The following OR51E1 variants were observed in gnomAD, a reference collection of about 807,000 sequenced individuals.
OR51E1 encodes the protein olfactory receptor family 51 subfamily E member 1.
OR51E1 carries 9 observed loss-of-function variants against 11.5 expected under a neutral mutation model. The ratio of observed to expected loss-of-function variants is 0.78; its 90% confidence interval spans 0.47 to 1.37. The LOEUF (loss-of-function observed/expected upper bound fraction) is 1.37. Among genes scored for constraint, OR51E1 ranks in the 40% most tolerant of loss-of-function variants. The pLI is 0.00. For missense variants in OR51E1, 397 were observed against 410.2 expected, an observed-to-expected ratio of 0.97 and a Z score of 0.28; for synonymous variants, 168 against 158.3, an observed-to-expected ratio of 1.06 and a Z score of -0.46.
chr11:4,648,417 C>T (rs192861878), intron 1 of OR51E1, among the ~76,000 whole-genome samples: 149 of 152,320 alleles, frequency 9.8e-4, no homozygotes, highest in Non-Finnish European at 1.8e-3. Flanking sequence ...AAACAATGCA[C>T]TATGTGTACT....
In OR51E1 at chr11:4,653,280, A is replaced by T; in HGVS notation, c.754A>T (p.Ile252Leu). 1 of 1,614,128 alleles carries T rather than the reference A, an allele frequency of 6.2e-7. No homozygotes were observed. Among genetic ancestry groups the T allele is most frequent in the Non-Finnish European group, 8.5e-7 (1 of 1,180,010 alleles). ...CGTCTCTCATGTGTGTGCTGTGTTCATATTCTATGTACCTTTCATTGGATT... is the reference window on the plus strand; with the variant it reads ...CGTCTCTCATGTGTGTGCTGTGTTCTTATTCTATGTACCTTTCATTGGATT... ...TCVSHVCAVF[I>L]FYVPFIGLSM... The change falls in exon 2 of 2, where the codon ATA becomes TTA. Residue 252 changes from isoleucine to leucine, a missense_variant. By Grantham distance (5) the Ile-to-Leu change is conservative (BLOSUM62 2). Transcript: ENST00000396952.
Position 4,655,390 on chromosome 11 carries a change from GCAGAGC to G in OR51E1, c.*1910_*1915del. The G allele has an allele frequency of 6.0e-6, 1 of 167,168 alleles. No homozygotes were observed. The highest frequency in any genetic ancestry group is 6.5e-5 in the Admixed American group (1 of 15,302). 10.4% of individuals were successfully genotyped at this position (167,168 alleles called of 1,614,324 possible). ...AAGCCTGGATTTCTGAAAAAACTGT[GCAGAGC>G]CAAACCTCTGTCATTTGCAACTCCC... is the stretch of plus-strand genomic sequence containing the variant. On this transcript the variant is annotated 3_prime_UTR_variant, in exon 2 of 2. Coordinates refer to ENST00000396952, the MANE Select transcript of OR51E1 (RefSeq NM_152430.4).
At position 4,654,661 on chromosome 11, in the gene OR51E1, G is replaced by A. The variant is rs1224046703; in HGVS notation, c.*1178G>A. 1 of 167,094 alleles carries A rather than the reference G, an allele frequency of 6.0e-6. No individual in the cohort carries two copies. Among genetic ancestry groups the A allele is most frequent in the East Asian group, 1.9e-4 (1 of 5,200 alleles). The allele number at this position is 167,094 out of a possible 1,614,324, so 10.4% of individuals were successfully genotyped here. ...TTTGAGTGTGACTCGTAGCTGGAAA[G>A]TGAGGGAATCTTCAGGACCATGCTT... is the stretch of plus-strand genomic sequence containing the variant. On this transcript the variant is annotated 3_prime_UTR_variant, in exon 2 of 2. Coordinates refer to ENST00000396952, the MANE Select transcript of OR51E1 (RefSeq NM_152430.4).
At position 4,653,076 on chromosome 11, in the gene OR51E1, C is replaced by T. The variant is rs1272757135; in HGVS notation, c.550C>T (p.His184Tyr). ...SNILSHSYCLHQDVMKLACDD... is the reference protein window; with the variant it reads ...SNILSHSYCLYQDVMKLACDD... ...TATCCTTTCCCATTCCTACTGCCTA[C>T]ACCAAGATGTCATGAAGCTGGCCTG... Residue 184 changes from histidine (H) to tyrosine (Y), a missense_variant, in exon 2 of 2, where the codon CAC becomes TAC. Coordinates refer to ENST00000396952, the MANE Select transcript of OR51E1 (RefSeq NM_152430.4). 5.6e-6 allele frequency: 9 copies of T among 1,614,070 alleles called. No individual in the cohort carries two copies. Among genetic ancestry groups the T allele is most frequent in the South Asian group, 1.1e-5 (1 of 91,076 alleles).
chr11:4,648,580 G>C (rs1246768594), intron 1 of OR51E1, among the ~76,000 whole-genome samples: 2 of 152,166 alleles, frequency 1.3e-5, no homozygotes, highest in African/African-American at 4.8e-5. Flanking sequence ...TCTACCTTCA[G>C]AGGCAATAGT....
chr11:4,651,018 A>G (rs1381169063), intron 1 of OR51E1, among the ~76,000 whole-genome samples: 1 of 143,684 alleles, frequency 7.0e-6, no homozygotes, highest in Non-Finnish European at 1.5e-5. Flanking sequence ...GTAGGAGCAC[A>G]TGAATATTTG....
rs1235210437 is a variant in OR51E1 at position 4,654,504 on chromosome 11, T to C, written c.*1021T>C. The stretch of plus-strand genomic sequence containing the variant: ...TTATGGAAGATTCTTATTCAGAAAG[T>C]CTGCATAGGGCTTATAGCAAGTTAT... On this transcript the variant is annotated 3_prime_UTR_variant, in exon 2 of 2. Transcript: ENST00000396952. The C allele has an allele frequency of 1.8e-5, 3 of 167,116 alleles. No individual in the cohort carries two copies. The highest frequency in any genetic ancestry group is 4.4e-5 in the Non-Finnish European group (3 of 68,132). The allele number at this position is 167,116 out of a possible 1,614,324, so 10.4% of individuals were successfully genotyped here.
chr11:4,644,107 G>A (rs909238997), intron 1 of OR51E1, 77 bp downstream of exon 1: 46 of 153,128 alleles, frequency 3.0e-4, no homozygotes, highest in African/African-American at 1.1e-3. Flanking sequence ...GACTTGCTGA[G>A]TGCATGAGAA....
At chr11:4,644,242 A>G (rs1847000885) in intron 1 of OR51E1, among the ~76,000 whole-genome samples, 1 of 152,150 alleles carries the variant, frequency 6.6e-6, no homozygotes, top group African/African-American at 2.4e-5. Context: ...GAGGTAGCCT[A>G]AGGGTAGTTT....
At chr11:4,651,358 AG>A (rs1448340205) in intron 1 of OR51E1, among the ~76,000 whole-genome samples, 2 of 152,152 alleles carry the variant, frequency 1.3e-5, no homozygotes, top group Non-Finnish European at 2.9e-5. Flanking sequence ...AAGAAGAAGG[AG>A]GGAATCCTGG....
chr11:4,647,377 G>A (rs1320037743), intron 1 of OR51E1, among the ~76,000 whole-genome samples: 1 of 152,170 alleles, frequency 6.6e-6, no homozygotes, highest in Non-Finnish European at 1.5e-5. Flanking sequence ...CCATCTGGAA[G>A]TCTTCTGTCC....
intron 1 of OR51E1, among the ~76,000 whole-genome samples, chr11:4,650,972 C>G (rs1488151636): frequency 6.6e-6 from 1 of 150,596 alleles, no homozygotes; most frequent in Non-Finnish European, 1.5e-5. Flanking sequence ...GGAAACACTT[C>G]TGGTTTCAAG....
In OR51E1 at chr11:4,652,807, C is replaced by A. The variant is rs746497055; in HGVS notation, c.281C>A (p.Thr94Asn). Residue 94 changes from threonine to asparagine, a missense_variant, in exon 2 of 2, where the codon ACC (threonine) becomes AAC (asparagine). By Grantham distance (65) the Thr-to-Asn change is moderately conservative. Coordinates refer to ENST00000396952, the MANE Select transcript of OR51E1 (RefSeq NM_152430.4). ...MLAIFWFNST[T>N]IQFDACLLQM... Reference sequence around the variant, plus strand: ...GCCATCTTCTGGTTCAATTCCACTACCATCCAGTTTGATGCTTGTCTGCTA... The same window carrying A: ...GCCATCTTCTGGTTCAATTCCACTAACATCCAGTTTGATGCTTGTCTGCTA... 1 of 1,614,210 alleles carries A rather than the reference C, an allele frequency of 6.2e-7. No individual in the cohort carries two copies. Among genetic ancestry groups the A allele is most frequent in the Non-Finnish European group, 8.5e-7 (1 of 1,180,030 alleles).
chr11:4,651,627 G>A (rs1440700243), intron 1 of OR51E1, among the ~76,000 whole-genome samples: 1 of 152,216 alleles, frequency 6.6e-6, no homozygotes, highest in Non-Finnish European at 1.5e-5. Context: ...AAGGGGAGCT[G>A]TGAGCCCTTA....
rs926944121 is a variant in OR51E1, at chr11:4,653,006, A to G, written c.480A>G (p.Ala160=). 3.1e-6 allele frequency: 5 copies of G among 1,605,700 alleles called. No homozygotes were observed. The highest frequency in any genetic ancestry group is 2.6e-6 in the Non-Finnish European group (3 of 1,175,466). Residue 160 remains alanine (A), a synonymous_variant, in exon 2 of 2, where the codon GCA becomes GCG. Transcript: ENST00000396952. ...TGGTGCGGGGGGCTGCACTGATGGC[A>G]CCCCTTCCTGTCTTCATCAAGCAGC... ...AAVVRGAALM[A]PLPVFIKQLP...
rs1847126108 is a variant in OR51E1 at position 4,653,215 on chromosome 11, G to T, written c.689G>T (p.Gly230Val). ...CTGCTTATTCTTAAGACTGTGTTGG[G>T]CTTGACACGTGAAGCCCAGGCCAAG... ...SYLLILKTVLGLTREAQAKAF... is the reference protein window; with the variant it reads ...SYLLILKTVLVLTREAQAKAF... The change falls in exon 2 of 2, where the codon GGC (glycine) becomes GTC (valine). Residue 230 changes from glycine to valine, a missense_variant. By Grantham distance (109) the Gly-to-Val change is moderately radical. Coordinates refer to ENST00000396952, the MANE Select transcript of OR51E1 (RefSeq NM_152430.4). 6.2e-7 allele frequency: 1 copy of T among 1,613,972 alleles called. No individual in the cohort carries two copies. Among genetic ancestry groups the T allele is most frequent in the Admixed American group, 1.7e-5 (1 of 60,020 alleles).
Position 4,653,544 on chromosome 11 carries a change from A to G in OR51E1, c.*61A>G. On this transcript the variant is annotated 3_prime_UTR_variant, in exon 2 of 2. Coordinates refer to ENST00000396952, the MANE Select transcript of OR51E1 (RefSeq NM_152430.4). The stretch of plus-strand genomic sequence containing the variant: ...CTCTGATTCAGATTTTAATGTTAAC[A>G]TTTTGGAAGACAGTATTCAGAAAAA... The G allele has an allele frequency of 9.4e-7, 1 of 1,067,992 alleles. No homozygotes were observed. The allele number at this position is 1,067,992 out of a possible 1,614,324, so 66.2% of individuals were successfully genotyped here.
At chr11:4,650,665 G>A (rs1763955317) in intron 1 of OR51E1, among the ~76,000 whole-genome samples, 1 of 152,106 alleles carries the variant, frequency 6.6e-6, no homozygotes, top group South Asian at 2.1e-4. Context: ...CATGAATTCT[G>A]ACTTATGCTC....
chr11:4,645,134 C>G (rs1847013388), intron 1 of OR51E1, among the ~76,000 whole-genome samples: 1 of 151,974 alleles, frequency 6.6e-6, no homozygotes, highest in Non-Finnish European at 1.5e-5. Flanking sequence ...TCTTTCGTGC[C>G]CTTATCTTCA....
Sources: gnomAD v4.1 joint callset for allele counts (sites outside exome capture counted in the v4.1 genomes callset) on GRCh38, gnomAD v4.1.1 for gene constraint, MANE v1.5 for transcripts, NCBI Gene and HGNC (gene_info 2026-07-23, HGNC 2026-07-21) for gene names.